Variants in RIF1 observed in about 807,000 individuals in gnomAD.
RIF1 encodes the protein replication timing regulatory factor 1.
RIF1 carries 45 observed loss-of-function variants against 247.1 expected under a neutral mutation model. That is an observed-to-expected ratio of 0.18 (90% confidence interval 0.14 to 0.23). The LOEUF (loss-of-function observed/expected upper bound fraction) is 0.23, where lower values mean the gene tolerates loss of function less well. Among genes scored for constraint, RIF1 ranks in the 10% least tolerant of loss-of-function variants. The probability of loss-of-function intolerance (pLI) is 1.00; values close to 1 mark genes in which losing one functional copy is unlikely to be tolerated. For synonymous variants in RIF1, 1,087 were observed against 978.8 expected, an observed-to-expected ratio of 1.11 and a Z score of -2.06; for missense variants, 2,967 against 2,862.5, an observed-to-expected ratio of 1.04 and a Z score of -0.83.
At chr2:151,427,368 G>A (rs535972357) in intron 8 of RIF1, among the ~76,000 whole-genome samples, 98 of 151,710 alleles carry the variant, frequency 6.5e-4, no homozygotes, top group African/African-American at 2.1e-3. Flanking sequence ...GTGCCACCAC[G>A]CCTGGCTGAT....
the RIF1 span, chr2:151,514,380 T>C: frequency 1.2e-6 from 2 of 1,613,774 alleles, no homozygotes; most frequent in Non-Finnish European, 1.7e-6. Flanking sequence ...TCCATTTCAG[T>C]GAGGCCCTTC....
chr2:151,524,385 C>T, the RIF1 span: 1 of 1,613,856 alleles, frequency 6.2e-7, no homozygotes, highest in South Asian at 1.1e-5. Flanking sequence ...CCATGGCTGC[C>T]TTCCTTGCGG....
chr2:151,533,391 G>A, the RIF1 span: 1 of 1,178,148 alleles, frequency 8.5e-7, no homozygotes, highest in Non-Finnish European at 1.2e-6. Flanking sequence ...ACAAGGGAAT[G>A]CATCCAAGAC....
intron 11 of RIF1, chr2:151,501,633 A>T (rs1459878002): frequency 2.1e-6 from 1 of 469,024 alleles, no homozygotes; most frequent in African/African-American, 2.0e-5. Context: ...TTAACTATAG[A>T]TCCCCTTTGG....
intron 7 of RIF1, among the ~76,000 whole-genome samples, chr2:151,421,922 C>T (rs1573893271): frequency 6.6e-6 from 1 of 151,892 alleles, no homozygotes; most frequent in Admixed American, 6.6e-5. Context: ...GCAGCTTCCA[C>T]CTCCTGGGTT....
chr2:151,473,895 A>G lies in RIF1; in HGVS notation c.7096-69A>G, dbSNP rs566196702. On this transcript the variant is annotated intron_variant, in intron 34 of 35. Coordinates refer to ENST00000444746, the MANE Select transcript of RIF1 (RefSeq NM_018151.5). The stretch of plus-strand genomic sequence containing the variant: ...TTCCAGTGTTTGTACTATTACTCCT[A>G]TTAAAAGTAAAGTTTCAATTTGTTG... The G allele has an allele frequency of 5.4e-4, 448 of 825,296 alleles. 2 individuals carry two copies. The Middle Eastern group carries it at 0.012, about 23-fold the overall frequency. The allele number at this position is 825,296 out of a possible 1,614,324, so 51.1% of individuals were successfully genotyped here. A position where few individuals can be genotyped will look rare whatever the true frequency, so the allele number is the denominator to read the frequency against.
chr2:151,510,150 G>T (rs1474953113), downstream of RIF1, among the ~76,000 whole-genome samples: 1 of 152,184 alleles, frequency 6.6e-6, no homozygotes, highest in African/African-American at 2.4e-5. Flanking sequence ...AGGTGCTGGG[G>T]TGATTACTCG....
intron 11 of RIF1, chr2:151,502,943 A>G: frequency 9.4e-7 from 1 of 1,065,554 alleles, no homozygotes; most frequent in Non-Finnish European, 1.4e-6. Context: ...AGAGTAAGGA[A>G]GGAAGGAAAT....
intron 8 of RIF1, among the ~76,000 whole-genome samples, chr2:151,426,168 ATTTTTTTTTTTTTT>A (rs35001554): frequency 1.7e-5 from 1 of 58,214 alleles, no homozygotes; most frequent in African/African-American, 6.9e-5. Context: ...TTGGCTTTTA[ATTTTTTTTTTTTTT>A]TTTTTTTTTT....
At chr2:151,509,782 C>T (rs1397287992), downstream of RIF1, among the ~76,000 whole-genome samples, 1 of 152,158 alleles carries the variant, frequency 6.6e-6, no homozygotes, top group African/African-American at 2.4e-5. Context: ...TGTGCACCAC[C>T]ACAACCAGCT....
the RIF1 span, chr2:151,529,256 G>A: frequency 6.2e-6 from 10 of 1,613,676 alleles, no homozygotes; most frequent in Admixed American, 1.2e-4. Context: ...GATATGAACA[G>A]CATCTGGCTC....
intron 1 of RIF1, 143 bp downstream of exon 1, chr2:151,410,176 G>C (rs1261508080): frequency 1.5e-6 from 1 of 645,280 alleles, no homozygotes; most frequent in Non-Finnish European, 2.8e-6. Context: ...AAGCTGCCCG[G>C]GAAAGTGGTG....
chr2:151,424,295 G>T lies in RIF1; in HGVS notation c.786+1253G>T, dbSNP rs188828125. Among the ~76,000 whole-genome samples the T allele has an allele frequency of 1.2e-3, 187 of 152,216 alleles. 1 individual carries two copies. Among genetic ancestry groups the T allele is most frequent in the Non-Finnish European group, 2.3e-3 (155 of 68,006 alleles). On this transcript the variant is annotated intron_variant, in intron 8 of 35. Transcript: ENST00000444746. ...ATTTTTGTGTTTTTAGTAGAGATAG[G>T]ATTTCACCATGTTGACCAGGATGGT...
At chr2:151,488,864 A>G (rs1270516901) in intron 9 of RIF1, among the ~76,000 whole-genome samples, 1 of 152,040 alleles carries the variant, frequency 6.6e-6, no homozygotes, top group East Asian at 1.9e-4. Flanking sequence ...TCTGGACTTC[A>G]TCTATTTTTG....
At chr2:151,519,629 T>C in the RIF1 span, 6 of 1,501,676 alleles carry the variant, frequency 4.0e-6, no homozygotes, top group African/African-American at 5.5e-5. Flanking sequence ...TACCATGTTA[T>C]ATATTTTACC....
chr2:151,451,766 C>T (rs1694355290), intron 21 of RIF1, 61 bp downstream of exon 21: 1 of 865,674 alleles, frequency 1.2e-6, no homozygotes, highest in African/African-American at 1.7e-5. Context: ...CTGAACTTTG[C>T]CAGGGGAAGT....
chr2:151,530,200 A>G, the RIF1 span, among the ~76,000 whole-genome samples: 1 of 152,210 alleles, frequency 6.6e-6, no homozygotes, highest in Non-Finnish European at 1.5e-5. Flanking sequence ...CCTTTTAAAA[A>G]TATATAGAAC....
downstream of RIF1, chr2:151,508,092 A>G (rs760287863): frequency 3.1e-6 from 5 of 1,606,926 alleles, no homozygotes; most frequent in Non-Finnish European, 3.4e-6. Flanking sequence ...ACTTCTCAGC[A>G]TCTTCCTTGT....
intron 30 of RIF1, 124 bp downstream of exon 30, chr2:151,466,244 A>C: frequency 1.6e-6 from 1 of 632,718 alleles, no homozygotes. Context: ...ATTATTTACC[A>C]TAATGGTTGC....
Sources: allele counts gnomAD v4.1 joint callset (sites outside exome capture counted in the v4.1 genomes callset), GRCh38; gene constraint gnomAD v4.1.1; transcripts MANE v1.5; gene names NCBI Gene and HGNC (gene_info 2026-07-23, HGNC 2026-07-21).